Variants in DLGAP2 observed in about 807,000 individuals in gnomAD.
DLGAP2 encodes disks large-associated protein 2.
DLGAP2 carries 26 observed loss-of-function variants against 100.3 expected under a neutral mutation model. The ratio of observed to expected loss-of-function variants is 0.26; its 90% CI spans 0.19 to 0.36. The LOEUF (loss-of-function observed/expected upper bound fraction) is 0.36. Ranked by LOEUF, DLGAP2 falls within the 10% of genes least tolerant of loss-of-function variation. DLGAP2 has a pLI of 1.00. For synonymous variants in DLGAP2, 886 were observed against 630.1 expected, an observed-to-expected ratio of 1.41 and a Z score of -6.08; for missense variants, 1,858 against 1,453.2, an observed-to-expected ratio of 1.28 and a Z score of -4.53.
chr8:1,241,571 T>C (rs771141715), intron 2 of DLGAP2, among the ~76,000 whole-genome samples: 1 of 152,270 alleles, frequency 6.6e-6, no homozygotes, highest in Non-Finnish European at 1.5e-5. Flanking sequence ...GATCCAGTTC[T>C]CTCCTGGGTG....
At chr8:1,488,353 C>G (rs1431348268) in intron 3 of DLGAP2, among the ~76,000 whole-genome samples, 1 of 152,174 alleles carries the variant, frequency 6.6e-6, no homozygotes, top group African/African-American at 2.4e-5. Flanking sequence ...CGTACTCAGT[C>G]TTGGTGAGCT....
At chr8:742,204 C>T (rs556278899) in intron 1 of DLGAP2, among the ~76,000 whole-genome samples, 45 of 152,216 alleles carry the variant, frequency 3.0e-4, no homozygotes, top group East Asian at 1.9e-4. Flanking sequence ...TATTCATCTT[C>T]GGGTACTGTT....
chr8:1,173,352 G>T (rs1472421160), intron 2 of DLGAP2, among the ~76,000 whole-genome samples: 1 of 152,202 alleles, frequency 6.6e-6, no homozygotes, highest in African/African-American at 2.4e-5. Flanking sequence ...ACTTGAGGAG[G>T]CAGTCTGCCC....
At chr8:964,413 C>G (rs1799797696) in intron 2 of DLGAP2, among the ~76,000 whole-genome samples, 2 of 152,236 alleles carry the variant, frequency 1.3e-5, no homozygotes, top group Non-Finnish European at 2.9e-5. Context: ...TGTAGACACA[C>G]AATTCTCCCA....
intron 2 of DLGAP2, among the ~76,000 whole-genome samples, chr8:987,976 A>G (rs528191363): frequency 6.6e-6 from 1 of 152,192 alleles, no homozygotes; most frequent in Non-Finnish European, 1.5e-5. Flanking sequence ...AGTGATATCC[A>G]TCAAAACAAG....
At chr8:933,494 A>G (rs1799007169) in intron 2 of DLGAP2, among the ~76,000 whole-genome samples, 1 of 132,762 alleles carries the variant, frequency 7.5e-6, no homozygotes, top group South Asian at 2.8e-4. Context: ...GGCTGTGGGC[A>G]CAAGGGTGAG....
intron 1 of DLGAP2, among the ~76,000 whole-genome samples, chr8:808,936 T>C (rs1796319150): frequency 6.6e-6 from 1 of 150,400 alleles, no homozygotes; most frequent in Non-Finnish European, 1.5e-5. Flanking sequence ...AGATGGAGTT[T>C]CGCTCTGTCC....
chr8:1,272,522 G>T (rs1222479946), intron 3 of DLGAP2, among the ~76,000 whole-genome samples: 1 of 152,012 alleles, frequency 6.6e-6, no homozygotes, highest in African/African-American at 2.4e-5. Flanking sequence ...ATTCACATCT[G>T]TGTTCCATAT....
intron 4 of DLGAP2, among the ~76,000 whole-genome samples, chr8:1,524,814 C>G (rs979698403): frequency 1.3e-5 from 2 of 152,166 alleles, no homozygotes; most frequent in African/African-American, 4.8e-5. Flanking sequence ...TCAGGTCCTT[C>G]CGTCTGCATC....
At chr8:1,277,320 G>C (rs1355749186) in intron 3 of DLGAP2, among the ~76,000 whole-genome samples, 1 of 151,984 alleles carries the variant, frequency 6.6e-6, no homozygotes, top group Non-Finnish European at 1.5e-5. Context: ...TTTTTTTGTT[G>C]TTGCTATTTC....
chr8:1,111,333 G>T (rs1403261639), intron 2 of DLGAP2, among the ~76,000 whole-genome samples: 28 of 152,132 alleles, frequency 1.8e-4, no homozygotes, highest in Non-Finnish European at 1.5e-5. Context: ...TTTCAGGCCA[G>T]ACTCCCTGGG....
intron 2 of DLGAP2, among the ~76,000 whole-genome samples, chr8:1,128,716 G>A (rs868580938): frequency 1.3e-5 from 2 of 152,284 alleles, no homozygotes; most frequent in South Asian, 4.1e-4. Flanking sequence ...ATATACTTAC[G>A]AGCGTGTGTC....
chr8:1,197,315 A>G (rs186243117), intron 2 of DLGAP2, among the ~76,000 whole-genome samples: 94 of 152,080 alleles, frequency 6.2e-4, no homozygotes, highest in African/African-American at 2.1e-3. Context: ...GCTGACACAG[A>G]ATTCACCACG....
intron 1 of DLGAP2, among the ~76,000 whole-genome samples, chr8:798,571 T>C (rs368288325): frequency 1.1e-3 from 76 of 68,112 alleles, no homozygotes; most frequent in Middle Eastern, 0.018. Flanking sequence ...TGCCTGCTTC[T>C]GTTGGCACTG....
At chr8:1,177,270 C>G (rs916104307) in intron 2 of DLGAP2, among the ~76,000 whole-genome samples, 11 of 152,130 alleles carry the variant, frequency 7.2e-5, no homozygotes, top group African/African-American at 2.7e-4. Context: ...TTGCCATTGC[C>G]CATATTTATT....
chr8:1,389,910 C>G (rs955053941), intron 3 of DLGAP2, among the ~76,000 whole-genome samples: 1 of 152,050 alleles, frequency 6.6e-6, no homozygotes, highest in Non-Finnish European at 1.5e-5. Context: ...AGCAGGCGTC[C>G]CACAGAGAGG....
At chr8:1,327,565 C>G (rs555164959) in intron 3 of DLGAP2, among the ~76,000 whole-genome samples, 1 of 152,162 alleles carries the variant, frequency 6.6e-6, no homozygotes. Context: ...ACATGGTGAG[C>G]CAGGCATGGT....
At chr8:952,578 A>C (rs1322933510) in intron 2 of DLGAP2, among the ~76,000 whole-genome samples, 2 of 152,190 alleles carry the variant, frequency 1.3e-5, no homozygotes, top group Non-Finnish European at 2.9e-5. Flanking sequence ...TGGAAGCTGC[A>C]GTGAGCTGAG....
chr8:1,152,984 C>A lies in DLGAP2; in HGVS notation c.74-105867C>A, dbSNP rs1042981644. Reference sequence around the variant, plus strand: ...TCTGATGTATTTGGCACTATTAATTCAAGCTATTCTGTAGAAATTTAAAAT... The same window carrying A: ...TCTGATGTATTTGGCACTATTAATTAAAGCTATTCTGTAGAAATTTAAAAT... On this transcript the variant is annotated intron_variant, in intron 2 of 14. Coordinates refer to ENST00000637795, the MANE Select transcript of DLGAP2 (RefSeq NM_001346810.2). Among the ~76,000 whole-genome samples, 63 of 152,342 alleles carry A rather than the reference C, an allele frequency of 4.1e-4. 5 individuals carry two copies. The highest frequency in any genetic ancestry group is 2.4e-5 in the African/African-American group (1 of 41,578).
Sources: allele counts gnomAD v4.1 joint callset (sites outside exome capture counted in the v4.1 genomes callset), GRCh38; gene constraint gnomAD v4.1.1; transcripts MANE v1.5; gene names NCBI Gene and HGNC (gene_info 2026-07-23, HGNC 2026-07-21).